Variants in TYW1 observed in about 807,000 individuals in gnomAD.
The protein encoded by TYW1 is S-adenosyl-L-methionine-dependent tRNA 4-demethylwyosine synthase TYW1.
Under a neutral mutation model 96.2 loss-of-function variants are expected in TYW1, and 46 were observed. That is an observed-to-expected ratio of 0.48 (90% confidence interval 0.38 to 0.61). The LOEUF is 0.61. Ranked by LOEUF, TYW1 falls within the 20% of genes least tolerant of loss-of-function variation. The pLI is 0.00. For synonymous variants in TYW1, 274 were observed against 323.0 expected, an observed-to-expected ratio of 0.85 and a Z score of 1.63; for missense variants, 684 against 909.6, an observed-to-expected ratio of 0.75 and a Z score of 3.19.
chr7:67,173,523 G>T (rs12538054), intron 13 of TYW1, among the ~76,000 whole-genome samples: 5 of 152,112 alleles, frequency 3.3e-5, no homozygotes, highest in African/African-American at 9.7e-5. Flanking sequence ...CACAACATCT[G>T]GTTGTTAAGA....
intron 7 of TYW1, among the ~76,000 whole-genome samples, chr7:67,036,096 G>A (rs1490894481): frequency 2.1e-5 from 3 of 144,094 alleles, no homozygotes; most frequent in East Asian, 2.0e-4. Flanking sequence ...GCGCTGCATC[G>A]ACAACTCACA....
chr7:67,073,327 A>G (rs1796092531), intron 10 of TYW1, among the ~76,000 whole-genome samples: 1 of 152,126 alleles, frequency 6.6e-6, no homozygotes, highest in African/African-American at 2.4e-5. Context: ...GGACGTTGCT[A>G]AGCATTCCCT....
intron 13 of TYW1, among the ~76,000 whole-genome samples, chr7:67,125,979 G>A (rs183858317): frequency 3.3e-5 from 5 of 152,110 alleles, no homozygotes; most frequent in Admixed American, 1.3e-4. Flanking sequence ...GGGCATCTTG[G>A]TTTCTTCCAA....
chr7:67,094,595 C>T (rs867126768), intron 11 of TYW1, among the ~76,000 whole-genome samples: 4 of 150,930 alleles, frequency 2.7e-5, no homozygotes, highest in Admixed American at 1.3e-4. Context: ...GTTTTTTTCA[C>T]GTAACTTACA....
intron 7 of TYW1, among the ~76,000 whole-genome samples, chr7:67,027,501 AT>A (rs1309385232): frequency 3.3e-5 from 5 of 152,186 alleles, no homozygotes; most frequent in Non-Finnish European, 7.3e-5. Context: ...CAATAAAAAA[AT>A]ATTAAATTTA....
intron 13 of TYW1, among the ~76,000 whole-genome samples, chr7:67,130,361 A>C (rs921608049): frequency 2.7e-5 from 4 of 146,850 alleles, no homozygotes; most frequent in African/African-American, 1.0e-4. Flanking sequence ...AGCTTGGGAA[A>C]CAGAGACTCC....
At chr7:67,205,341 G>T (rs563467553) in intron 15 of TYW1, among the ~76,000 whole-genome samples, 1 of 152,026 alleles carries the variant, frequency 6.6e-6, no homozygotes, top group Non-Finnish European at 1.5e-5. Context: ...GAGCCATCTT[G>T]TGACTGTTCC....
chr7:67,056,321 G>A (rs542323751), intron 9 of TYW1, among the ~76,000 whole-genome samples: 8 of 152,158 alleles, frequency 5.3e-5, no homozygotes, highest in South Asian at 2.1e-4. Context: ...GTGAAACCCC[G>A]TTTCTACTAA....
At chr7:67,003,914 C>T (rs1445351775) in intron 3 of TYW1, among the ~76,000 whole-genome samples, 1 of 152,078 alleles carries the variant, frequency 6.6e-6, no homozygotes, top group South Asian at 2.1e-4. Context: ...TGTGGTGGCA[C>T]ATGCCTGTAA....
chr7:67,069,220 A>T (rs1584522165), intron 10 of TYW1, among the ~76,000 whole-genome samples: 2 of 152,370 alleles, frequency 1.3e-5, no homozygotes, highest in East Asian at 3.9e-4. Context: ...GAAATCAGAT[A>T]TTAATGGGAT....
chr7:67,041,987 A>G (rs1795038743), intron 7 of TYW1, among the ~76,000 whole-genome samples: 1 of 148,044 alleles, frequency 6.8e-6, no homozygotes, highest in Admixed American at 6.8e-5. Flanking sequence ...TTATATTCTA[A>G]TTCTATTAGA....
At chr7:67,230,398 ATTTTTAGTTT>A (rs1801712899) in intron 15 of TYW1, among the ~76,000 whole-genome samples, 1 of 145,838 alleles carries the variant, frequency 6.9e-6, no homozygotes, top group Non-Finnish European at 1.5e-5. Context: ...TTTAAACCTT[ATTTTTAGTTT>A]TGTCAAAATT....
At chr7:67,208,681 C>T (rs1408029363) in intron 15 of TYW1, among the ~76,000 whole-genome samples, 14 of 137,662 alleles carry the variant, frequency 1.0e-4, no homozygotes, top group Admixed American at 3.7e-4. Flanking sequence ...CAGAGTGAGA[C>T]GCTGTCTCAA....
intron 6 of TYW1, among the ~76,000 whole-genome samples, chr7:67,022,011 A>G (rs1794294755): frequency 6.6e-6 from 1 of 152,188 alleles, no homozygotes; most frequent in Non-Finnish European, 1.5e-5. Flanking sequence ...CCTGGGCTCA[A>G]GTGATCCTCC....
intron 15 of TYW1, among the ~76,000 whole-genome samples, chr7:67,236,433 C>T (rs1801893503): frequency 1.3e-5 from 2 of 152,360 alleles, no homozygotes; most frequent in East Asian, 1.9e-4. Context: ...AGCAGAAGTG[C>T]TGCCCAGGGA....
chr7:67,067,060 TTCAGAGTTAATGAA>T (rs1562994224), intron 9 of TYW1: 1 of 548,864 alleles, frequency 1.8e-6, no homozygotes, highest in Non-Finnish European at 3.3e-6. Context: ...CTGTAGAGTT[TTCAGAGTTAATGAA>T]TCATAGGTTT....
At chr7:67,016,980 ATTTTTTT>A (rs35358824) in intron 5 of TYW1, among the ~76,000 whole-genome samples, 1 of 121,766 alleles carries the variant, frequency 8.2e-6, no homozygotes. Flanking sequence ...AGATATGTAA[ATTTTTTT>A]TTTTTTTTTT....
intron 13 of TYW1, among the ~76,000 whole-genome samples, chr7:67,153,142 C>T (rs1469387063): frequency 6.6e-6 from 1 of 152,108 alleles, no homozygotes; most frequent in Non-Finnish European, 1.5e-5. Flanking sequence ...GTAATACATG[C>T]TGAATGCATG....
At chr7:67,206,170 A>G (rs1202312362) in intron 15 of TYW1, among the ~76,000 whole-genome samples, 1 of 152,088 alleles carries the variant, frequency 6.6e-6, no homozygotes, top group East Asian at 1.9e-4. Flanking sequence ...CATTTTCTTT[A>G]TTTAATTGAA....
Sources: allele counts gnomAD v4.1 joint callset (sites outside exome capture counted in the v4.1 genomes callset), GRCh38; gene constraint gnomAD v4.1.1; transcripts MANE v1.5; gene names NCBI Gene and HGNC (gene_info 2026-07-23, HGNC 2026-07-21).